The following TRIT1 variants were observed in gnomAD, a reference collection of about 807,000 sequenced individuals.
TRIT1 encodes the protein tRNA dimethylallyltransferase.
TRIT1 carries 43 observed loss-of-function variants against 51.2 expected under a neutral mutation model. The ratio of observed to expected loss-of-function variants is 0.84; its 90% CI spans 0.66 to 1.08. The LOEUF is 1.08. Among genes scored for constraint, TRIT1 ranks in the 50% least tolerant of loss-of-function variants. The pLI, the probability that TRIT1 is intolerant of heterozygous loss-of-function variation, is 0.00. For missense variants in TRIT1, 528 were observed against 578.4 expected (o/e 0.91, Z 0.89); for synonymous variants, 184 against 203.9 (o/e 0.90, Z 0.83).
rs1557585424 is a variant in TRIT1 at position 39,876,560 on chromosome 1, A to ATCTATCTATCTATCTATC, written c.174+6757_174+6758insGATAGATAGATAGATAGA. 2.4e-3 allele frequency among the ~76,000 whole-genome samples: 289 copies of ATCTATCTATCTATCTATC among 118,074 alleles called. 2 individuals carry two copies. Among genetic ancestry groups the ATCTATCTATCTATCTATC allele is most frequent in the African/African-American group, 5.5e-3 (211 of 38,142 alleles). 77.5% of individuals were successfully genotyped at this position (118,074 alleles called of 152,430 possible). ...TCTATCTATCTATCTATCTATCTAT[A>ATCTATCTATCTATCTATC]TATATATATGAATGATGAGTCGAAA... On this transcript the variant is annotated intron_variant, in intron 1 of 10. Transcript: ENST00000316891.
intron 1 of TRIT1, among the ~76,000 whole-genome samples, chr1:39,864,192 A>G (rs1410997077): frequency 6.6e-6 from 1 of 151,856 alleles, no homozygotes; most frequent in Non-Finnish European, 1.5e-5. Context: ...AGCCAGAAAC[A>G]TTTTTGATTG....
intron 10 of TRIT1, among the ~76,000 whole-genome samples, chr1:39,843,215 C>T (rs554402392): frequency 6.6e-6 from 1 of 152,288 alleles, no homozygotes; most frequent in Admixed American, 6.5e-5. Context: ...CTATTGGTTG[C>T]TTTGGGGAGA....
At chr1:39,856,192 G>A (rs373824646) in intron 2 of TRIT1, among the ~76,000 whole-genome samples, 1 of 152,258 alleles carries the variant, frequency 6.6e-6, no homozygotes, top group South Asian at 2.1e-4. Flanking sequence ...TGTAGTCCCA[G>A]CTACTCAGGA....
chr1:39,865,926 A>G (rs1335365440), intron 1 of TRIT1, among the ~76,000 whole-genome samples: 5 of 150,596 alleles, frequency 3.3e-5, no homozygotes, highest in African/African-American at 1.2e-4. Flanking sequence ...GAAGGGAGGG[A>G]AGGAATGAAA....
At chr1:39,869,675 C>T (rs12043459) in intron 1 of TRIT1, among the ~76,000 whole-genome samples, 9,759 of 151,326 alleles carry the variant, frequency 0.064, 777 homozygotes, top group East Asian at 0.19. Context: ...TCTGCCCCGC[C>T]GCCCACCGTC....
intron 1 of TRIT1, among the ~76,000 whole-genome samples, chr1:39,880,686 C>T (rs1242199804): frequency 6.6e-6 from 1 of 151,988 alleles, no homozygotes; most frequent in Non-Finnish European, 1.5e-5. Flanking sequence ...GTAATTCCAG[C>T]TACTCGGGAG....
chr1:39,856,779 C>A (rs12086005), intron 2 of TRIT1, among the ~76,000 whole-genome samples: 428 of 152,226 alleles, frequency 2.8e-3, no homozygotes, highest in African/African-American at 9.5e-3. Context: ...CTAACTATAA[C>A]TCCATTATAT....
intron 5 of TRIT1, 32 bp from the exon 6 acceptor site, chr1:39,848,129 CAAGTTGTAG>C (rs1325913913): frequency 5.7e-6 from 9 of 1,568,066 alleles, no homozygotes; most frequent in Non-Finnish European, 7.0e-6. Context: ...AACCAGCAAG[CAAGTTGTAG>C]GTACCTACTA....
intron 1 of TRIT1, among the ~76,000 whole-genome samples, chr1:39,864,865 T>C (rs1643448694): frequency 6.6e-6 from 1 of 152,194 alleles, no homozygotes; most frequent in Admixed American, 6.5e-5. Flanking sequence ...CATAGCTGTC[T>C]ACAAGCAAAA....
chr1:39,847,313 G>C lies in TRIT1; in HGVS notation c.929-16C>G, dbSNP rs148502686. 2 of 1,612,466 alleles carry C rather than the reference G, an allele frequency of 1.2e-6. No homozygotes were observed. Among genetic ancestry groups the C allele is most frequent in the African/African-American group, 1.3e-5 (1 of 74,984 alleles). On this transcript the variant is annotated splice_polypyrimidine_tract_variant and intron_variant, in intron 7 of 10. Coordinates refer to ENST00000316891, the MANE Select transcript of TRIT1 (RefSeq NM_017646.6). The stretch of plus-strand genomic sequence containing the variant: ...GCCTCAATACCTGAAAGATACAGTA[G>C]ATTTAAGAACATCTAGGTAAGCACT...
chr1:39,857,841 C>G (rs1460189487), intron 1 of TRIT1, among the ~76,000 whole-genome samples: 1 of 152,148 alleles, frequency 6.6e-6, no homozygotes, highest in Admixed American at 6.6e-5. Context: ...TTAAATAGCT[C>G]TAAAAGGTTT....
chr1:39,866,883 T>C (rs976967993), intron 1 of TRIT1, among the ~76,000 whole-genome samples: 1 of 152,114 alleles, frequency 6.6e-6, no homozygotes, highest in African/African-American at 2.4e-5. Flanking sequence ...TTCTAGCTGC[T>C]CAGGAGACTG....
intron 1 of TRIT1, among the ~76,000 whole-genome samples, chr1:39,859,057 C>A (rs1420250317): frequency 3.3e-5 from 5 of 151,850 alleles, no homozygotes; most frequent in African/African-American, 1.2e-4. Flanking sequence ...TCGAGACCAG[C>A]CTGACCAACA....
rs1034711735 is a variant in TRIT1, at chr1:39,838,793, T to C, written c.*2951A>G. ...TGGGATTACAGGCGTGAGCCACCACTCCCGGACTGTTATTTTTTAATGTTA... is the reference window on the plus strand; with the variant it reads ...TGGGATTACAGGCGTGAGCCACCACCCCCGGACTGTTATTTTTTAATGTTA... On this transcript the variant is annotated 3_prime_UTR_variant, in exon 11 of 11. Transcript: ENST00000316891. Among the ~76,000 whole-genome samples the C allele has an allele frequency of 6.6e-6, 1 of 152,100 alleles. No individual in the cohort carries two copies.
chr1:39,878,178 A>AT (rs1644132341), intron 1 of TRIT1, among the ~76,000 whole-genome samples: 1 of 152,202 alleles, frequency 6.6e-6, no homozygotes, highest in Non-Finnish European at 1.5e-5. Context: ...AGAAAAAAAA[A>AT]GAAAAAGAAA....
chr1:39,851,386 G>C (rs146531689), intron 4 of TRIT1, among the ~76,000 whole-genome samples: 3 of 152,062 alleles, frequency 2.0e-5, no homozygotes, highest in Non-Finnish European at 4.4e-5. Flanking sequence ...AGTAAAAGGA[G>C]AGAATAAACA....
intron 3 of TRIT1, 133 bp from the exon 4 acceptor site, chr1:39,853,009 G>C: frequency 9.7e-7 from 1 of 1,034,700 alleles, no homozygotes; most frequent in Non-Finnish European, 1.4e-6. Context: ...ATCATAAACA[G>C]AAAATTCCAA....
At chr1:39,852,632 C>G (rs973000558) in intron 4 of TRIT1, 99 bp downstream of exon 4, 15 of 1,436,526 alleles carry the variant, frequency 1.0e-5, no homozygotes, top group Non-Finnish European at 1.1e-5. Context: ...TCTCCACTAA[C>G]TGCTATTACC....
Position 39,868,560 on chromosome 1 carries a change from C to G in TRIT1, c.175-11143G>C, listed in dbSNP as rs753901390. Among the ~76,000 whole-genome samples the G allele has an allele frequency of 2.8e-3, 423 of 150,368 alleles. 2 individuals carry two copies. Among genetic ancestry groups the G allele is most frequent in the Non-Finnish European group, 4.4e-3 (300 of 67,832 alleles). On this transcript the variant is annotated intron_variant, in intron 1 of 10. Transcript: ENST00000316891. ...TCAGGAGGCTGAGGCAGGAGAATCA[C>G]TTGAACCCGGGAGGTGGAGGTTGCA...
Sources: allele counts gnomAD v4.1 joint callset (sites outside exome capture counted in the v4.1 genomes callset), GRCh38; gene constraint gnomAD v4.1.1; transcripts MANE v1.5; gene names NCBI Gene and HGNC (gene_info 2026-07-23, HGNC 2026-07-21).